CSNK1A1: variants seen among roughly 807,000 people sequenced by gnomAD.
The protein encoded by CSNK1A1 is casein kinase 1 alpha 1.
Under a neutral mutation model 46.1 loss-of-function variants are expected in CSNK1A1, and 7 were observed. The ratio of observed to expected loss-of-function variants is 0.15; its 90% CI spans 0.09 to 0.29. CSNK1A1 has a LOEUF of 0.29. CSNK1A1 is among the 10% of genes least tolerant of loss of function. The pLI is 1.00. For missense variants in CSNK1A1, 96 were observed against 417.1 expected (o/e 0.23, Z 6.71); for synonymous variants, 137 against 141.5 (o/e 0.97, Z 0.23).
rs1298628701 is a variant in CSNK1A1, at chr5:149,525,156, T to C, written c.246A>G (p.Glu82=). The C allele has an allele frequency of 6.2e-7, 1 of 1,607,790 alleles. No individual in the cohort carries two copies. Among genetic ancestry groups the C allele is most frequent in the African/African-American group, 1.3e-5 (1 of 74,664 alleles). ...GIPHIRWYGQ[E]KDYNVLVMDL... Reference sequence around the variant, plus strand: ...CCATGACTAGTACATTGTAGTCTTTTTCCTGACCATACCACCTAACGAAAC... The same window carrying C: ...CCATGACTAGTACATTGTAGTCTTTCTCCTGACCATACCACCTAACGAAAC... The change falls in exon 3 of 10, where the codon GAA becomes GAG. Residue 82 remains glutamate (E), a synonymous_variant. Transcript: ENST00000377843. This position sits in a 1 kb window ranked among gnomAD's most constrained non-coding sequence, Gnocchi z 4.2.
chr5:149,549,428 A>C (rs1415890932), intron 2 of CSNK1A1: 2 of 701,854 alleles, frequency 2.8e-6, no homozygotes, highest in Non-Finnish European at 5.2e-6. Flanking sequence ...AAACACTGTC[A>C]CTATGCCATC....
chr5:149,495,093 G>A lies in CSNK1A1; in HGVS notation c.*1760C>T, dbSNP rs1323180903. 6.6e-6 allele frequency: 1 copy of A among 152,044 alleles called. No homozygotes were observed. Among genetic ancestry groups the A allele is most frequent in the Non-Finnish European group, 1.5e-5 (1 of 68,000 alleles). The allele number at this position is 152,044 out of a possible 1,614,324, so 9.4% of individuals were successfully genotyped here. ...CAAGGGTGGATAGAAAAGAAACAAA[G>A]AAGCTGCCTACCCCAGAAGTTCAGA... is the stretch of plus-strand genomic sequence containing the variant. On this transcript the variant is annotated 3_prime_UTR_variant, in exon 10 of 10. Transcript: ENST00000377843.
chr5:149,507,564 C>T (rs548624788), intron 7 of CSNK1A1, among the ~76,000 whole-genome samples: 73 of 152,084 alleles, frequency 4.8e-4, no homozygotes, highest in Non-Finnish European at 7.2e-4. Flanking sequence ...AGGCTTCAAG[C>T]GATCCTCCAA....
At chr5:149,548,463 A>G (rs1378792453) in intron 2 of CSNK1A1, among the ~76,000 whole-genome samples, 1 of 152,014 alleles carries the variant, frequency 6.6e-6, no homozygotes, top group African/African-American at 2.4e-5. Context: ...GCTACTTGGG[A>G]GGCTGAGGCA....
At chr5:149,535,204 C>G (rs1004113267) in intron 2 of CSNK1A1, among the ~76,000 whole-genome samples, 1 of 152,158 alleles carries the variant, frequency 6.6e-6, no homozygotes, top group Admixed American at 6.5e-5. Context: ...TATCCTGACT[C>G]TCCTCCTGCT....
In CSNK1A1 at chr5:149,550,573, C is replaced by T. The variant is rs986777645; in HGVS notation, c.123+269G>A. Among the ~76,000 whole-genome samples, 4 of 148,220 alleles carry T rather than the reference C, an allele frequency of 2.7e-5. No individual in the cohort carries two copies. The highest frequency in any genetic ancestry group is 6.7e-5 in the Admixed American group (1 of 14,908). On this transcript the variant is annotated intron_variant, in intron 1 of 9. Coordinates refer to ENST00000377843, the MANE Select transcript of CSNK1A1 (RefSeq NM_001892.6). The surrounding 1 kb of genome is among the most constrained non-coding windows in gnomAD (Gnocchi z 4.3). ...ATTTTGCCGTTTCCACCTTAAAAGA[C>T]GGTTAAAAAAAAAAAAAGCTCGACT...
At chr5:149,519,162 A>G (rs1008538857) in intron 4 of CSNK1A1, among the ~76,000 whole-genome samples, 1 of 152,218 alleles carries the variant, frequency 6.6e-6, no homozygotes, top group Non-Finnish European at 1.5e-5. Context: ...CAACAAAAAA[A>G]TTTAATTTCC....
At position 149,513,626 on chromosome 5, in the gene CSNK1A1, G is replaced by A. The variant is rs138598322; in HGVS notation, c.457-417C>T. ...CAAAATCTAGATATAATGGCCGAGC[G>A]CGGTAGCTCACGCCTATAATCCCAG... On this transcript the variant is annotated intron_variant, in intron 4 of 9. Transcript: ENST00000377843. Among the ~76,000 whole-genome samples, 450 of 152,222 alleles carry A rather than the reference G, an allele frequency of 3.0e-3. 3 individuals carry two copies. The highest frequency in any genetic ancestry group is 0.011 in the African/African-American group (437 of 41,548).
At chr5:149,527,484 C>T (rs1561764287) in intron 2 of CSNK1A1, among the ~76,000 whole-genome samples, 2 of 152,132 alleles carry the variant, frequency 1.3e-5, no homozygotes, top group Non-Finnish European at 2.9e-5. Context: ...CTGTTATTTT[C>T]CCTCTTCCAC....
intron 4 of CSNK1A1, among the ~76,000 whole-genome samples, chr5:149,514,618 A>G (rs1242035479): frequency 5.9e-5 from 9 of 152,132 alleles, no homozygotes; most frequent in African/African-American, 2.2e-4. Context: ...GTGCTGGGAA[A>G]CTTGATCACC....
intron 2 of CSNK1A1, among the ~76,000 whole-genome samples, chr5:149,549,764 T>TA (rs1202076551): frequency 1.3e-5 from 2 of 152,138 alleles, no homozygotes; most frequent in East Asian, 3.9e-4. Context: ...AGTGCCGCCG[T>TA]AAAAAAGGCA....
At chr5:149,504,314 A>G in intron 9 of CSNK1A1, 1 of 984,570 alleles carries the variant, frequency 1.0e-6, no homozygotes. Flanking sequence ...TCAGTTAATA[A>G]TATTTCTTGA....
intron 3 of CSNK1A1, among the ~76,000 whole-genome samples, chr5:149,521,729 G>A (rs1042982177): frequency 6.6e-6 from 1 of 151,100 alleles, no homozygotes; most frequent in African/African-American, 2.4e-5. Context: ...CGATTCTCTT[G>A]CCTCAGCCTC....
chr5:149,498,130 CTTCT>C, intron 9 of CSNK1A1: 1 of 985,416 alleles, frequency 1.0e-6, no homozygotes, highest in Non-Finnish European at 1.2e-6. Context: ...CCGTGCCCAG[CTTCT>C]TTTACTTTTT....
At chr5:149,548,132 A>C (rs907188521) in intron 2 of CSNK1A1, among the ~76,000 whole-genome samples, 1 of 152,008 alleles carries the variant, frequency 6.6e-6, no homozygotes, top group Non-Finnish European at 1.5e-5. Context: ...TGGCCTCCCA[A>C]AGTGCTTGGA....
At position 149,542,688 on chromosome 5, in the gene CSNK1A1, ATATAT is replaced by A. The variant is rs1561772869; in HGVS notation, c.230+7382_230+7386del. 8.9e-3 allele frequency among the ~76,000 whole-genome samples: 180 copies of A among 20,196 alleles called. 25 individuals are homozygous for A. The highest frequency in any genetic ancestry group is 0.067 in the Middle Eastern group (2 of 30). 13.2% of individuals were successfully genotyped at this position (20,196 alleles called of 152,430 possible). On this transcript the variant is annotated intron_variant, in intron 2 of 9. Transcript: ENST00000377843. The stretch of plus-strand genomic sequence containing the variant: ...TATATATATGTATATATATATATAT[ATATAT>A]TTTTTTTTTTTTTTTTTTTTGAGAC...
In CSNK1A1 at chr5:149,550,797, G is replaced by A. The variant is rs75478176; in HGVS notation, c.123+45C>T. On this transcript the variant is annotated intron_variant, in intron 1 of 9. Coordinates refer to ENST00000377843, the MANE Select transcript of CSNK1A1 (RefSeq NM_001892.6). The surrounding 1 kb of genome is among the most constrained non-coding windows in gnomAD (Gnocchi z 4.3). ...GGTGCACGGTGGTGGTGGGGGGAATGAGTAAAAGCGCAGCGTTATCGTGAA... is the reference window on the plus strand; with the variant it reads ...GGTGCACGGTGGTGGTGGGGGGAATAAGTAAAAGCGCAGCGTTATCGTGAA... 1,046 of 1,612,978 alleles carry A rather than the reference G, an allele frequency of 6.5e-4. 7 individuals are homozygous for A. In the African/African-American group the frequency reaches 0.013, roughly 19 times the overall value.
intron 2 of CSNK1A1, among the ~76,000 whole-genome samples, chr5:149,544,623 T>G (rs1394010671): frequency 1.3e-5 from 2 of 151,036 alleles, no homozygotes; most frequent in African/African-American, 4.9e-5. Flanking sequence ...AAAAGGGGCT[T>G]GAAATGCACA....
intron 2 of CSNK1A1, among the ~76,000 whole-genome samples, chr5:149,527,112 C>T (rs956847655): frequency 4.7e-5 from 7 of 150,314 alleles, no homozygotes; most frequent in African/African-American, 1.2e-4. Context: ...AATGTGTCAA[C>T]GTGACAGCAA....
Sources: gnomAD v4.1 joint callset for allele counts (sites outside exome capture counted in the v4.1 genomes callset) on GRCh38, gnomAD v4.1.1 for gene constraint, Gnocchi (gnomAD v3.1) non-coding constraint, MANE v1.5 for transcripts, NCBI Gene and HGNC (gene_info 2026-07-23, HGNC 2026-07-21) for gene names.